The following CDH3 variants were observed in gnomAD, a reference collection of about 807,000 sequenced individuals.
CDH3 encodes the protein cadherin 3.
CDH3 carries 54 observed loss-of-function variants against 82.0 expected under a neutral mutation model. The ratio of observed to expected loss-of-function variants is 0.66; its 90% CI spans 0.53 to 0.83. The LOEUF (loss-of-function observed/expected upper bound fraction) is 0.83. CDH3 is among the 40% of genes least tolerant of loss of function. The pLI, the probability that CDH3 is intolerant of heterozygous loss-of-function variation, is 0.00. For synonymous variants in CDH3, 446 were observed against 437.9 expected (o/e 1.02, Z -0.23); for missense variants, 1,054 against 1,084.6 (o/e 0.97, Z 0.40).
intron 1 of CDH3, among the ~76,000 whole-genome samples, chr16:68,713,794 G>A (rs28470571): frequency 0.043 from 6,544 of 152,104 alleles, 465 homozygotes; most frequent in African/African-American, 0.15. Flanking sequence ...GCCACACTGG[G>A]CAATGCACCC....
At chr16:68,690,986 T>G (rs1047452009) in intron 12 of CDH3, among the ~76,000 whole-genome samples, 14 of 150,554 alleles carry the variant, frequency 9.3e-5, no homozygotes, top group Non-Finnish European at 1.8e-4. Flanking sequence ...GTCTATGGAG[T>G]AGCCATTCTT....
At chr16:68,718,225 A>G (rs992652738) in intron 1 of CDH3, among the ~76,000 whole-genome samples, 2 of 152,090 alleles carry the variant, frequency 1.3e-5, no homozygotes, top group African/African-American at 2.4e-5. Context: ...GCTGATCTCA[A>G]ACTTCTGAGC....
intron 1 of CDH3, among the ~76,000 whole-genome samples, chr16:68,711,352 A>G (rs1962029052): frequency 6.8e-6 from 1 of 147,690 alleles, no homozygotes; most frequent in Admixed American, 6.9e-5. Flanking sequence ...AGAAAAAGAA[A>G]GAAAAGGAAA....
chr16:68,663,169 A>G (rs1481868346), intron 2 of CDH3, among the ~76,000 whole-genome samples: 2 of 149,558 alleles, frequency 1.3e-5, no homozygotes, highest in Non-Finnish European at 3.0e-5. Context: ...CCCCAGCCAG[A>G]TTGTTTTTTA....
intron 2 of CDH3, chr16:68,651,513 T>C: frequency 2.0e-6 from 1 of 496,556 alleles, no homozygotes; most frequent in Non-Finnish European, 4.0e-6. Context: ...CTCCTGCTTC[T>C]TTGAGTACCT....
At chr16:68,679,708 A>G in intron 6 of CDH3, 91 bp from the exon 7 acceptor site, 5 of 756,086 alleles carry the variant, frequency 6.6e-6, no homozygotes, top group Non-Finnish European at 1.0e-5. Flanking sequence ...AAAAAAAAAA[A>G]AAAAAAAAAA....
intron 1 of CDH3, among the ~76,000 whole-genome samples, chr16:68,711,323 GAGAAAGAGAAAAAA>G (rs1567462994): frequency 6.6e-6 from 1 of 151,818 alleles, no homozygotes; most frequent in Non-Finnish European, 1.5e-5. Context: ...GAGAGAGAGG[GAGAAAGAGAAAAAA>G]AGAAAGAAAA....
rs775883180 is a variant in CDH3 at position 68,698,139 on chromosome 16, TGGCAAGAGGCA to T, written c.2281-49_2281-39del. The T allele has an allele frequency of 5.8e-5, 90 of 1,543,450 alleles. No individual in the cohort carries two copies. The African/African-American group carries it at 1.1e-3, about 19-fold the overall frequency. On this transcript the variant is annotated intron_variant, in intron 15 of 15. Coordinates refer to ENST00000264012, the MANE Select transcript of CDH3 (RefSeq NM_001793.6). Reference sequence around the variant, plus strand: ...CAGAGAGGAAATGGAGGCTTGCAGCTGGCAAGAGGCAGGACCCGCCGCTCCTAACTACCTGT... The same window carrying T: ...CAGAGAGGAAATGGAGGCTTGCAGCTGGACCCGCCGCTCCTAACTACCTGT...
chr16:68,682,579 G>C (rs987638174), intron 9 of CDH3, 92 bp downstream of exon 9: 4 of 1,245,648 alleles, frequency 3.2e-6, no homozygotes, highest in Non-Finnish European at 1.2e-6. Context: ...CCGTGGGCTA[G>C]TCCAGGAATC....
rs754984463 is a variant in CDH3, at chr16:68,682,286, C to T, written c.997-16C>T. ...CATTCTCTGCTCTGATAGTGCTGTG[C>T]TTCTCACACTGACAGTACGAGGCCC... On this transcript the variant is annotated splice_polypyrimidine_tract_variant and intron_variant, in intron 8 of 15. Transcript: ENST00000264012. 2 of 1,612,222 alleles carry T rather than the reference C, an allele frequency of 1.2e-6. No individual in the cohort carries two copies. The highest frequency in any genetic ancestry group is 1.7e-6 in the Non-Finnish European group (2 of 1,179,134).
chr16:68,661,463 G>A (rs1235999484), intron 2 of CDH3, among the ~76,000 whole-genome samples: 1 of 152,240 alleles, frequency 6.6e-6, no homozygotes, highest in East Asian at 1.9e-4. Flanking sequence ...TCAATGTTAA[G>A]TGCCAGTGGC....
At chr16:68,731,076 AT>A (rs2152112416), downstream of CDH3, among the ~76,000 whole-genome samples, 2 of 125,142 alleles carry the variant, frequency 1.6e-5, no homozygotes, top group Non-Finnish European at 3.3e-5. Flanking sequence ...ATATATATAT[AT>A]AATTATAAAA....
intron 1 of CDH3, among the ~76,000 whole-genome samples, chr16:68,712,971 C>T (rs1172496083): frequency 1.3e-5 from 2 of 152,128 alleles, no homozygotes; most frequent in Admixed American, 6.6e-5. Context: ...CATGAGCTAC[C>T]GTGCCTGGTC....
chr16:68,702,078 G>A (rs1001115687), downstream of CDH3, among the ~76,000 whole-genome samples: 4 of 151,734 alleles, frequency 2.6e-5, no homozygotes, highest in South Asian at 2.1e-4. Flanking sequence ...TGGTAGACAC[G>A]GGGTTTCACC....
At chr16:68,728,613 A>G (rs1962251444), downstream of CDH3, among the ~76,000 whole-genome samples, 2 of 152,302 alleles carry the variant, frequency 1.3e-5, no homozygotes, top group South Asian at 4.1e-4. Context: ...AGCTTCTTAA[A>G]GGCAGGGACC....
At chr16:68,725,993 A>C (rs935407512) in intron 2 of CDH3, among the ~76,000 whole-genome samples, 6 of 152,104 alleles carry the variant, frequency 3.9e-5, no homozygotes, top group African/African-American at 1.2e-4. Flanking sequence ...AGGCAGACGG[A>C]GGTTGCAGTG....
chr16:68,652,921 C>T (rs1033820696), intron 2 of CDH3, among the ~76,000 whole-genome samples: 6 of 152,144 alleles, frequency 3.9e-5, no homozygotes, highest in African/African-American at 1.4e-4. Context: ...TGTGACTATC[C>T]ACAATTCTGC....
intron 10 of CDH3, 54 bp from the exon 11 acceptor site, chr16:68,685,151 G>T: frequency 6.2e-7 from 1 of 1,601,136 alleles, no homozygotes; most frequent in South Asian, 1.1e-5. Context: ...CCTGAATGAT[G>T]ACATCAGAAT....
chr16:68,650,952 A>AG (rs917754739), intron 2 of CDH3: 2 of 199,944 alleles, frequency 1.0e-5, no homozygotes, highest in African/African-American at 2.4e-5. Context: ...AAAAAAAAAA[A>AG]AAGAAGAGGA....
Sources: gnomAD v4.1 joint callset for allele counts (sites outside exome capture counted in the v4.1 genomes callset) on GRCh38, gnomAD v4.1.1 for gene constraint, MANE v1.5 for transcripts, NCBI Gene and HGNC (gene_info 2026-07-23, HGNC 2026-07-21) for gene names.